VPS13A: variants seen among roughly 807,000 people sequenced by gnomAD.
VPS13A encodes intermembrane lipid transfer protein VPS13A.
Under a neutral mutation model 390.9 loss-of-function variants are expected in VPS13A, and 264 were observed. The ratio of observed to expected loss-of-function variants is 0.68; its 90% CI spans 0.61 to 0.75. The LOEUF is 0.75. Among genes scored for constraint, VPS13A ranks in the 30% least tolerant of loss-of-function variants. The probability of loss-of-function intolerance (pLI) is 0.00; values close to 1 mark genes in which losing one functional copy is unlikely to be tolerated. For missense variants in VPS13A, 3,409 were observed against 3,733.9 expected, an observed-to-expected ratio of 0.91 and a Z score of 2.27; for synonymous variants, 1,231 against 1,227.1, an observed-to-expected ratio of 1.00 and a Z score of -0.07.
At position 77,364,733 on chromosome 9, in the gene VPS13A, A is replaced by G. The variant is rs182464155; in HGVS notation, c.8212-727A>G. On this transcript the variant is annotated intron_variant, in intron 59 of 71. Transcript: ENST00000360280. ...AAATTCTTTAGGTTTTCTTAAATAG[A>G]TGTTTCTTCATTTGCTTATGACCTT... 8.5e-5 allele frequency among the ~76,000 whole-genome samples: 13 copies of G among 152,202 alleles called. No homozygotes were observed. The East Asian group carries it at 2.5e-3, about 29-fold the overall frequency.
chr9:77,320,606 A>G (rs2131446505), intron 42 of VPS13A, among the ~76,000 whole-genome samples: 1 of 152,186 alleles, frequency 6.6e-6, no homozygotes, highest in African/African-American at 2.4e-5. Flanking sequence ...ATATTAGATC[A>G]CTTAATTTTA....
intron 17 of VPS13A, among the ~76,000 whole-genome samples, chr9:77,236,778 A>T (rs1824172140): frequency 6.6e-6 from 1 of 152,230 alleles, no homozygotes; most frequent in Admixed American, 6.5e-5. Flanking sequence ...ATGTGACGAT[A>T]TCTTCTTAGC....
chr9:77,344,398 A>G, intron 51 of VPS13A, 117 bp downstream of exon 51: 1 of 1,131,122 alleles, frequency 8.8e-7, no homozygotes, highest in Non-Finnish European at 1.3e-6. Flanking sequence ...CCTTTCCCCA[A>G]AAACGAACAA....
chr9:77,283,627 G>C lies in VPS13A; in HGVS notation c.3316G>C (p.Asp1106His), dbSNP rs762328818. Residue 1106 changes from aspartate to histidine, a missense_variant, in exon 31 of 72, where the codon GAT becomes CAT. By Grantham distance (81) the Asp-to-His change is moderately conservative. This residue lies in a region of VPS13A where 2,717 missense variants were observed against 2,917.4 expected (regional missense o/e 0.93). Transcript: ENST00000360280. ...KLRNIIVLDS[D>H]ITAIYKKAVY... ...AAGGAATATAATTGTTTTAGATTCT[G>C]ATATAACAGCTATATACAAAAAGGT... The C allele has an allele frequency of 1.9e-6, 3 of 1,610,304 alleles. No homozygotes were observed. The South Asian group carries it at 3.3e-5, about 18-fold the overall frequency.
In VPS13A at chr9:77,227,383, AT is replaced by A; in HGVS notation, c.1358-5del. ...TAAGAACATAAAGCACTTCTTTCTG[AT>A]TTGTAGCTCTTGAAGAAATGTTGAC... is the stretch of plus-strand genomic sequence containing the variant. On this transcript the variant is annotated splice_polypyrimidine_tract_variant and splice_region_variant and intron_variant, in intron 15 of 71. Coordinates refer to ENST00000360280, the MANE Select transcript of VPS13A (RefSeq NM_033305.3). The A allele has an allele frequency of 6.2e-7, 1 of 1,604,474 alleles. No individual in the cohort carries two copies. The highest frequency in any genetic ancestry group is 2.2e-5 in the East Asian group (1 of 44,702).
At chr9:77,351,487 T>TA (rs768626483) in intron 53 of VPS13A, 41 bp downstream of exon 53, 17 of 1,606,610 alleles carry the variant, frequency 1.1e-5, no homozygotes, top group Middle Eastern at 1.7e-4. Flanking sequence ...CAGCCTTTTT[T>TA]AAAAAAGGTA....
intron 42 of VPS13A, among the ~76,000 whole-genome samples, chr9:77,320,436 T>G (rs1587574528): frequency 6.6e-6 from 1 of 152,198 alleles, no homozygotes; most frequent in South Asian, 2.1e-4. Context: ...TCGGGGCCTT[T>G]AGGTGGATGA....
At chr9:77,277,191 C>A (rs1463073724) in intron 26 of VPS13A, among the ~76,000 whole-genome samples, 3 of 152,020 alleles carry the variant, frequency 2.0e-5, no homozygotes, top group South Asian at 2.1e-4. Context: ...TATTAGGACA[C>A]CAGTTTCATT....
intron 68 of VPS13A, among the ~76,000 whole-genome samples, chr9:77,397,482 G>A (rs1834163931): frequency 6.6e-6 from 1 of 152,014 alleles, no homozygotes; most frequent in Non-Finnish European, 1.5e-5. Context: ...TTCTTTGGTT[G>A]GGACTTAAAG....
At chr9:77,316,807 A>T (rs1425734208) in intron 39 of VPS13A, among the ~76,000 whole-genome samples, 1 of 151,914 alleles carries the variant, frequency 6.6e-6, no homozygotes, top group Admixed American at 6.6e-5. Flanking sequence ...TCAAATAATG[A>T]GTTTTTCCTT....
intron 10 of VPS13A, among the ~76,000 whole-genome samples, chr9:77,218,674 T>G (rs540389534): frequency 8.1e-5 from 12 of 148,972 alleles, no homozygotes; most frequent in Admixed American, 6.7e-4. Flanking sequence ...AAGGGACATG[T>G]AGTAAGTTAA....
intron 52 of VPS13A, among the ~76,000 whole-genome samples, chr9:77,348,338 A>G (rs150357897): frequency 5.2e-4 from 79 of 152,312 alleles, no homozygotes; most frequent in African/African-American, 1.7e-3. Flanking sequence ...GGATGGAGCT[A>G]GAAGCTATTA....
chr9:77,193,677 A>G (rs1824820847), intron 1 of VPS13A, among the ~76,000 whole-genome samples: 1 of 152,152 alleles, frequency 6.6e-6, no homozygotes, highest in African/African-American at 2.4e-5. Context: ...CTGGGGAGCT[A>G]CTGCAGTCAT....
chr9:77,326,855 T>TTA (rs1830041333), intron 45 of VPS13A, among the ~76,000 whole-genome samples: 1 of 151,848 alleles, frequency 6.6e-6, no homozygotes, highest in Admixed American at 6.6e-5. Flanking sequence ...GAGCCTTAGA[T>TTA]AATCTACACA....
intron 67 of VPS13A, among the ~76,000 whole-genome samples, chr9:77,374,130 C>A (rs192169489): frequency 6.6e-6 from 1 of 152,206 alleles, no homozygotes; most frequent in East Asian, 1.9e-4. Context: ...CTTCACCCTT[C>A]CTTTATTATC....
chr9:77,415,294 T>C (rs1835127995), intron 71 of VPS13A, among the ~76,000 whole-genome samples: 1 of 152,210 alleles, frequency 6.6e-6, no homozygotes, highest in African/African-American at 2.4e-5. Flanking sequence ...AGAAGGCTAC[T>C]GGATTCAGTT....
chr9:77,191,388 G>T (rs1824679291), intron 1 of VPS13A, among the ~76,000 whole-genome samples: 1 of 150,338 alleles, frequency 6.7e-6, no homozygotes, highest in African/African-American at 2.5e-5. Flanking sequence ...CCACCTTCCA[G>T]GCTCAAGCAG....
chr9:77,209,587 C>A, intron 6 of VPS13A, 55 bp downstream of exon 6: 1 of 1,147,026 alleles, frequency 8.7e-7, no homozygotes, highest in Non-Finnish European at 1.3e-6. Flanking sequence ...AGTTATTTTA[C>A]TATTTAATGA....
rs1832685473 is a variant in VPS13A at position 77,370,429 on chromosome 9, G to A, written c.8758G>A (p.Ala2920Thr). The change falls in exon 65 of 72, where the codon GCT (alanine) becomes ACT (threonine). Residue 2920 changes from alanine (A) to threonine (T), a missense_variant. Coordinates refer to ENST00000360280, the MANE Select transcript of VPS13A (RefSeq NM_033305.3). ...ATTTCTGTCAGGTGGATTGGCTGGT[G>A]CTGCCTCCAAAATCACCGGTGCTAT... The part of the protein sequence containing the change: ...VGGAVGGLAG[A>T]ASKITGAMAK... The A allele has an allele frequency of 6.2e-7, 1 of 1,614,160 alleles. No individual in the cohort carries two copies. Among genetic ancestry groups the A allele is most frequent in the African/African-American group, 1.3e-5 (1 of 75,044 alleles).
Sources: allele counts gnomAD v4.1 joint callset (sites outside exome capture counted in the v4.1 genomes callset), GRCh38; gene constraint gnomAD v4.1.1; regional missense constraint gnomAD v4.1.1; transcripts MANE v1.5; gene names NCBI Gene and HGNC (gene_info 2026-07-23, HGNC 2026-07-21).